Variants in PRKCQ observed in about 807,000 individuals in gnomAD.
The protein encoded by PRKCQ is protein kinase C theta.
PRKCQ carries 41 observed loss-of-function variants against 91.2 expected under a neutral mutation model. The observed-to-expected ratio is 0.45, with a 90% CI of 0.35 to 0.58. The LOEUF is 0.58. Among genes scored for constraint, PRKCQ ranks in the 20% least tolerant of loss-of-function variants. The pLI is 0.00. For synonymous variants in PRKCQ, 307 were observed against 316.9 expected (o/e 0.97, Z 0.33); for missense variants, 673 against 896.5 (o/e 0.75, Z 3.18).
At position 6,428,292 on chromosome 10, in the gene PRKCQ, T is replaced by A. The variant is rs762330463; in HGVS notation, c.2036A>T (p.Asp679Val). 1 of 1,614,222 alleles carries A rather than the reference T, an allele frequency of 6.2e-7. No homozygotes were observed. The highest frequency in any genetic ancestry group is 1.1e-5 in the South Asian group (1 of 91,090). ...LNEKPRLSFA[D>V]RALINSMDQN... is the part of the protein sequence containing the mutation. ...GTCCATGCTGTTGATCAGTGCTCTG[T>A]CGGCAAATGACAGCCGGGGCTTCTC... The change falls in exon 18 of 18, where the codon GAC becomes GTC. Residue 679 changes from aspartate to valine, a missense_variant. Transcript: ENST00000263125.
At chr10:6,498,628 G>GAGGGGAGGGAGATGGGC in intron 4 of PRKCQ, 70 bp from the exon 5 acceptor site, 2 of 1,503,932 alleles carry the variant, frequency 1.3e-6, no homozygotes, top group Non-Finnish European at 1.8e-6. Flanking sequence ...GCTGGGTCAG[G>GAGGGGAGGGAGATGGGC]AGGGGAGGGA....
chr10:6,483,347 C>T, intron 11 of PRKCQ, 93 bp downstream of exon 11: 1 of 1,503,140 alleles, frequency 6.7e-7, no homozygotes, highest in Admixed American at 1.8e-5. Flanking sequence ...ACATGCAATC[C>T]TAGTGGCCCT....
At chr10:6,554,812 A>ATAAATCACCCTACC (rs1266795919) in intron 1 of PRKCQ, among the ~76,000 whole-genome samples, 1 of 152,212 alleles carries the variant, frequency 6.6e-6, no homozygotes, top group East Asian at 1.9e-4. Context: ...CCAAAAGAAA[A>ATAAATCACCCTACC]TAAATCACCC....
chr10:6,551,705 T>C (rs933765063), intron 1 of PRKCQ, among the ~76,000 whole-genome samples: 1 of 152,210 alleles, frequency 6.6e-6, no homozygotes, highest in African/African-American at 2.4e-5. Flanking sequence ...CCACATTTTC[T>C]TTATCTATCT....
chr10:6,404,450 CCTTT>C, the PRKCQ span, among the ~76,000 whole-genome samples: 2 of 146,820 alleles, frequency 1.4e-5, no homozygotes, highest in African/African-American at 5.1e-5. Context: ...CTTTCTCTTT[CCTTT>C]CTTCCTTCCT....
intron 1 of PRKCQ, among the ~76,000 whole-genome samples, chr10:6,553,498 A>AT (rs773944977): frequency 0.027 from 999 of 37,228 alleles, 32 homozygotes; most frequent in African/African-American, 0.042. Context: ...TCAAAAAAAA[A>AT]AAAAAAAAAA....
At position 6,441,936 on chromosome 10, in the gene PRKCQ, TAA is replaced by T; in HGVS notation, c.1791_1792del (p.Phe597LeufsTer22). ...TGCTTCCTTCTCCAGCCACCGTGGG[TAA>T]AAGGGATTGTCCATGCGGATGGAGT... On this transcript the variant is annotated frameshift_variant, in exon 16 of 18. Coordinates refer to ENST00000263125, the MANE Select transcript of PRKCQ (RefSeq NM_006257.5). LOFTEE classifies it high-confidence loss of function. 6.2e-7 allele frequency: 1 copy of T among 1,613,336 alleles called. No individual in the cohort carries two copies. Among genetic ancestry groups the T allele is most frequent in the Non-Finnish European group, 8.5e-7 (1 of 1,179,420 alleles).
At chr10:6,529,406 C>T (rs1839312322) in intron 1 of PRKCQ, among the ~76,000 whole-genome samples, 1 of 152,198 alleles carries the variant, frequency 6.6e-6, no homozygotes, top group African/African-American at 2.4e-5. Flanking sequence ...TGCTGGATCC[C>T]TTGCAGTCCT....
chr10:6,519,924 T>A (rs1191416174), intron 1 of PRKCQ, among the ~76,000 whole-genome samples: 1 of 152,140 alleles, frequency 6.6e-6, no homozygotes, highest in East Asian at 1.9e-4. Flanking sequence ...GAGAGCACCT[T>A]CCATACACGC....
the PRKCQ span, among the ~76,000 whole-genome samples, chr10:6,407,110 T>C: frequency 1.3e-5 from 2 of 152,226 alleles, no homozygotes; most frequent in Admixed American, 6.5e-5. This position sits in a 1 kb window ranked among gnomAD's most constrained non-coding sequence, Gnocchi z 4.0. Flanking sequence ...CAGATCACTC[T>C]AAAGAATTTG....
chr10:6,395,548 T>G, the PRKCQ span, among the ~76,000 whole-genome samples: 1 of 152,222 alleles, frequency 6.6e-6, no homozygotes, highest in African/African-American at 2.4e-5. Context: ...CAGAATCCCG[T>G]AGCCTCCAAT....
At chr10:6,564,191 C>T (rs1840745248) in intron 1 of PRKCQ, among the ~76,000 whole-genome samples, 1 of 152,156 alleles carries the variant, frequency 6.6e-6, no homozygotes, top group African/African-American at 2.4e-5. Context: ...AACCAAAGAG[C>T]TTTGCAGGGG....
intron 12 of PRKCQ, among the ~76,000 whole-genome samples, chr10:6,469,608 T>C (rs1246089990): frequency 6.6e-6 from 1 of 152,214 alleles, no homozygotes; most frequent in African/African-American, 2.4e-5. Context: ...TGTTTAGGTA[T>C]CTTGAAGTCT....
the PRKCQ span, among the ~76,000 whole-genome samples, chr10:6,395,363 C>A: frequency 3.9e-5 from 6 of 152,014 alleles, no homozygotes; most frequent in Non-Finnish European, 7.4e-5. Flanking sequence ...CGCGCCCGGC[C>A]GGCTGGAGTT....
intron 15 of PRKCQ, among the ~76,000 whole-genome samples, chr10:6,447,644 C>T (rs997234089): frequency 3.3e-5 from 5 of 152,102 alleles, no homozygotes; most frequent in African/African-American, 4.8e-5. Flanking sequence ...GACTCTGCTA[C>T]GAAATGCATG....
At chr10:6,425,103 G>A (rs1833083943), downstream of PRKCQ, among the ~76,000 whole-genome samples, 1 of 152,094 alleles carries the variant, frequency 6.6e-6, no homozygotes, top group African/African-American at 2.4e-5. Flanking sequence ...GGTGGATGTC[G>A]CTGAAACCCT....
chr10:6,547,400 A>T (rs538528046), intron 1 of PRKCQ, among the ~76,000 whole-genome samples: 29 of 151,728 alleles, frequency 1.9e-4, no homozygotes, highest in African/African-American at 7.0e-4. Context: ...TTCATATGGA[A>T]CCAAAAAAGA....
intron 16 of PRKCQ, among the ~76,000 whole-genome samples, chr10:6,435,564 T>C (rs1833659389): frequency 1.3e-5 from 2 of 152,182 alleles, no homozygotes; most frequent in Non-Finnish European, 2.9e-5. Context: ...CTAACTCACA[T>C]GGGAAATAAC....
At position 6,485,806 on chromosome 10, in the gene PRKCQ, G is replaced by C. The variant is rs145171900; in HGVS notation, c.900+229C>G. ...ATTTATTTGTTTCTGCAATGCTCATGCCATGAAGAATTTAAGATTTTATAA... is the reference window on the plus strand; with the variant it reads ...ATTTATTTGTTTCTGCAATGCTCATCCCATGAAGAATTTAAGATTTTATAA... On this transcript the variant is annotated intron_variant, in intron 9 of 17. Transcript: ENST00000263125. Among the ~76,000 whole-genome samples, 318 of 152,318 alleles carry C rather than the reference G, an allele frequency of 2.1e-3. 2 individuals carry two copies. The highest frequency in any genetic ancestry group is 7.5e-3 in the African/African-American group (310 of 41,558).
Sources: allele counts gnomAD v4.1 joint callset (sites outside exome capture counted in the v4.1 genomes callset), GRCh38; gene constraint gnomAD v4.1.1; non-coding constraint Gnocchi (gnomAD v3.1); transcripts MANE v1.5; gene names NCBI Gene and HGNC (gene_info 2026-07-23, HGNC 2026-07-21).